Variants in SUMF1 observed in about 807,000 individuals in gnomAD.
SUMF1 encodes sulfatase modifying factor 1.
SUMF1 carries 48 observed loss-of-function variants against 47.6 expected under a neutral mutation model. The observed-to-expected ratio is 1.01, with a 90% confidence interval of 0.80 to 1.28. The LOEUF is 1.28. Among genes scored for constraint, SUMF1 ranks in the 50% most tolerant of loss-of-function variants. The probability of loss-of-function intolerance (pLI) is 0.00; values close to 1 mark genes in which losing one functional copy is unlikely to be tolerated. For synonymous variants in SUMF1, 230 were observed against 192.1 expected (o/e 1.20, Z -1.63); for missense variants, 571 against 485.4 (o/e 1.18, Z -1.66).
At chr3:4,091,156 G>C (rs1692779319) in intron 8 of SUMF1, among the ~76,000 whole-genome samples, 1 of 150,654 alleles carries the variant, frequency 6.6e-6, no homozygotes, top group South Asian at 2.1e-4. Flanking sequence ...GTGATGTTTT[G>C]TGACCAGAAA....
chr3:4,135,221 T>G (rs1489692411), intron 8 of SUMF1, among the ~76,000 whole-genome samples: 4 of 152,104 alleles, frequency 2.6e-5, no homozygotes, highest in African/African-American at 9.7e-5. Context: ...GCAAAAATCC[T>G]CAATAAAATA....
chr3:4,293,768 G>C (rs1027579680), intron 8 of SUMF1, among the ~76,000 whole-genome samples: 2 of 152,172 alleles, frequency 1.3e-5, no homozygotes, highest in Non-Finnish European at 2.9e-5. Context: ...CAAAGCCCAA[G>C]AGCACAACCC....
intron 9 of SUMF1, among the ~76,000 whole-genome samples, chr3:4,051,878 G>A (rs1482585829): frequency 2.6e-5 from 4 of 152,024 alleles, no homozygotes; most frequent in Non-Finnish European, 2.9e-5. Context: ...GTGGTAAACC[G>A]GTCTGAGTAA....
At chr3:4,348,668 C>T (rs1182616533) in intron 8 of SUMF1, among the ~76,000 whole-genome samples, 1 of 150,942 alleles carries the variant, frequency 6.6e-6, no homozygotes, top group Non-Finnish European at 1.5e-5. Flanking sequence ...AGTTTGAGGC[C>T]AGCCTGACCA....
At chr3:4,295,264 A>T (rs1697827113) in intron 8 of SUMF1, among the ~76,000 whole-genome samples, 1 of 152,004 alleles carries the variant, frequency 6.6e-6, no homozygotes, top group Non-Finnish European at 1.5e-5. Context: ...AGAAGCAGAA[A>T]ATTAATATAG....
In SUMF1 at chr3:4,432,184, C is replaced by G. The variant is rs532808681; in HGVS notation, c.520-12038G>C. 7.9e-5 allele frequency among the ~76,000 whole-genome samples: 12 copies of G among 151,672 alleles called. No individual in the cohort carries two copies. The East Asian group carries it at 2.3e-3, about 29-fold the overall frequency. On this transcript the variant is annotated intron_variant, in intron 3 of 8. Coordinates refer to ENST00000272902, the MANE Select transcript of SUMF1 (RefSeq NM_182760.4). Reference sequence around the variant, plus strand: ...GTTCAGTAATTTATTCAACCTTTCCCAGGAACTCCAATCTCAAATTAAGGG... The same window carrying G: ...GTTCAGTAATTTATTCAACCTTTCCGAGGAACTCCAATCTCAAATTAAGGG...
intron 8 of SUMF1, among the ~76,000 whole-genome samples, chr3:4,349,755 G>A (rs937762680): frequency 1.8e-4 from 27 of 152,118 alleles, no homozygotes; most frequent in Non-Finnish European, 7.3e-5. Flanking sequence ...AACACCACAT[G>A]TTCTCACTCA....
At chr3:4,313,768 C>G (rs1698523519) in intron 8 of SUMF1, 2 of 1,613,888 alleles carry the variant, frequency 1.2e-6, no homozygotes, top group Non-Finnish European at 1.7e-6. Context: ...TGAGGTGAGT[C>G]TGTTCAGTGA....
At chr3:4,267,580 T>G (rs1697221934) in intron 8 of SUMF1, among the ~76,000 whole-genome samples, 1 of 152,100 alleles carries the variant, frequency 6.6e-6, no homozygotes, top group African/African-American at 2.4e-5. Context: ...GCGAAGGACA[T>G]GAACAGACAC....
intron 8 of SUMF1, among the ~76,000 whole-genome samples, chr3:4,281,047 CG>C (rs1185860415): frequency 6.6e-6 from 1 of 151,720 alleles, no homozygotes; most frequent in Admixed American, 6.6e-5. Context: ...CAGTGGGGGT[CG>C]GGGGGCCACA....
chr3:4,271,292 T>C (rs947766411), intron 8 of SUMF1, among the ~76,000 whole-genome samples: 32 of 152,112 alleles, frequency 2.1e-4, no homozygotes, highest in African/African-American at 7.5e-4. Flanking sequence ...TTCAGACTTG[T>C]TTCTCCTTGG....
intron 7 of SUMF1, among the ~76,000 whole-genome samples, chr3:4,385,521 T>C (rs1216121723): frequency 6.6e-6 from 1 of 152,218 alleles, no homozygotes; most frequent in Non-Finnish European, 1.5e-5. Flanking sequence ...ATTGTAAATA[T>C]ATGTGGCTTT....
chr3:4,312,486 T>C (rs1698445637), intron 8 of SUMF1, among the ~76,000 whole-genome samples: 1 of 152,130 alleles, frequency 6.6e-6, no homozygotes, highest in South Asian at 2.1e-4. Flanking sequence ...CATACTATTA[T>C]ATACATTAAG....
At chr3:4,399,437 T>C (rs945342491) in intron 7 of SUMF1, among the ~76,000 whole-genome samples, 6 of 152,298 alleles carry the variant, frequency 3.9e-5, no homozygotes, top group African/African-American at 1.4e-4. Flanking sequence ...AAACTCTTTA[T>C]GAACATGGAC....
chr3:4,390,264 G>A (rs1700815662), intron 7 of SUMF1, among the ~76,000 whole-genome samples: 1 of 152,100 alleles, frequency 6.6e-6, no homozygotes, highest in Non-Finnish European at 1.5e-5. Context: ...CCACCTGGTT[G>A]TATACAGCAA....
intron 8 of SUMF1, among the ~76,000 whole-genome samples, chr3:4,109,177 C>T (rs569516566): frequency 0.031 from 4,679 of 152,054 alleles, 264 homozygotes; most frequent in African/African-American, 0.11. Context: ...TTCTCCTTCA[C>T]TTATGAAGCT....
chr3:4,282,393 G>C (rs1697546812), intron 8 of SUMF1, among the ~76,000 whole-genome samples: 1 of 152,136 alleles, frequency 6.6e-6, no homozygotes, highest in South Asian at 2.1e-4. Flanking sequence ...AAAGGATGTG[G>C]AGTTAATACA....
rs367784617 is a variant in SUMF1, at chr3:4,256,958, A to G, written c.1014+119372T>C. On this transcript the variant is annotated intron_variant and NMD_transcript_variant, in intron 8 of 12. Coordinates refer to the SUMF1 transcript ENST00000448413. ...CTGGGATGCAAGGCTGGTTCAATAT[A>G]CACAAATCAATAAATGTAATCCAGC... Among the ~76,000 whole-genome samples, 106 of 128,030 alleles carry G rather than the reference A, an allele frequency of 8.3e-4. 1 individual carries two copies. In the East Asian group the frequency reaches 0.015, roughly 18 times the overall value. The allele number at this position is 128,030 out of a possible 152,430, so 84.0% of individuals were successfully genotyped here. A position where few individuals can be genotyped will look rare whatever the true frequency, so the allele number is the denominator to read the frequency against.
chr3:4,277,870 A>G (rs1697450512), intron 8 of SUMF1, among the ~76,000 whole-genome samples: 2 of 152,108 alleles, frequency 1.3e-5, no homozygotes, highest in South Asian at 2.1e-4. Context: ...GGGCCCATCC[A>G]AAGTTTTAAG....
Sources: allele counts gnomAD v4.1 joint callset (sites outside exome capture counted in the v4.1 genomes callset), GRCh38; gene constraint gnomAD v4.1.1; transcripts MANE v1.5; gene names NCBI Gene and HGNC (gene_info 2026-07-23, HGNC 2026-07-21).